LRRC37A2: variants seen among roughly 807,000 people sequenced by gnomAD.
The protein encoded by LRRC37A2 is leucine-rich repeat-containing protein 37A2.
In LRRC37A2, 9 loss-of-function variants were observed where a neutral mutation model predicts 68.8. That is an observed-to-expected ratio of 0.13 (90% CI 0.08 to 0.23). The LOEUF is 0.23. Among genes scored for constraint, LRRC37A2 ranks in the 10% least tolerant of loss-of-function variants. The pLI is 1.00. For missense variants in LRRC37A2, 168 were observed against 950.4 expected (o/e 0.18, Z 10.82); for synonymous variants, 63 against 367.6 (o/e 0.17, Z 9.48).
chr17:46,856,868 A>G, the LRRC37A2 span, among the ~76,000 whole-genome samples: 1 of 152,228 alleles, frequency 6.6e-6, no homozygotes, highest in Non-Finnish European at 1.5e-5. Flanking sequence ...CAATGACTAC[A>G]TAGAACATTT....
chr17:46,877,939 G>A, the LRRC37A2 span, among the ~76,000 whole-genome samples: 3 of 152,150 alleles, frequency 2.0e-5, no homozygotes, highest in Non-Finnish European at 2.9e-5. Flanking sequence ...AGGAGGAGAC[G>A]TGACTTTGAT....
chr17:46,872,537 T>C, the LRRC37A2 span: 1 of 1,557,608 alleles, frequency 6.4e-7, no homozygotes. Flanking sequence ...CGGGAAGTCC[T>C]GACGCCCTTC....
chr17:46,878,947 C>G, the LRRC37A2 span, among the ~76,000 whole-genome samples: 3 of 152,292 alleles, frequency 2.0e-5, no homozygotes, highest in East Asian at 1.9e-4. Context: ...TCTCTTCTTC[C>G]TTGCTCTCAT....
the LRRC37A2 span, chr17:46,938,700 G>A: frequency 2.4e-5 from 39 of 1,613,754 alleles, no homozygotes; most frequent in African/African-American, 4.0e-5. Flanking sequence ...AGTACTTTAT[G>A]ATAGGTGGGA....
the LRRC37A2 span, chr17:46,923,143 C>T: frequency 1.6e-6 from 2 of 1,244,472 alleles, no homozygotes; most frequent in South Asian, 2.6e-5. Flanking sequence ...GCTGTGAGGA[C>T]GTGTTCCGAG....
chr17:46,767,244 C>G, the LRRC37A2 span, among the ~76,000 whole-genome samples: 2 of 152,104 alleles, frequency 1.3e-5, no homozygotes, highest in Non-Finnish European at 2.9e-5. Context: ...AAAATCCACC[C>G]GCCTTTGATC....
At chr17:46,896,406 GA>G in the LRRC37A2 span, among the ~76,000 whole-genome samples, 1 of 70,666 alleles carries the variant, frequency 1.4e-5, no homozygotes, top group Non-Finnish European at 2.3e-5. Flanking sequence ...AAGAAAGAAA[GA>G]AAGAAAGAAA....
At chr17:46,864,599 C>T in the LRRC37A2 span, among the ~76,000 whole-genome samples, 1 of 152,292 alleles carries the variant, frequency 6.6e-6, no homozygotes, top group South Asian at 2.1e-4. Flanking sequence ...TCAGAGGAGT[C>T]CTGACCAGGT....
chr17:46,959,797 A>G, the LRRC37A2 span, among the ~76,000 whole-genome samples: 1 of 152,236 alleles, frequency 6.6e-6, no homozygotes, highest in Non-Finnish European at 1.5e-5. Flanking sequence ...AACCATGGAA[A>G]GTCCTCCAAT....
chr17:46,900,188 T>TGTATATATATATAC, the LRRC37A2 span, among the ~76,000 whole-genome samples: 1 of 115,558 alleles, frequency 8.7e-6, no homozygotes, highest in African/African-American at 4.5e-5. Context: ...TATATATATA[T>TGTATATATATATAC]ATATATATAT....
At chr17:46,999,726 C>CTA in the LRRC37A2 span, among the ~76,000 whole-genome samples, 2 of 151,860 alleles carry the variant, frequency 1.3e-5, no homozygotes, top group African/African-American at 4.8e-5. Context: ...CAGCCTGGAA[C>CTA]TATAGCTCAC....
the LRRC37A2 span, among the ~76,000 whole-genome samples, chr17:47,029,070 C>A: frequency 9.9e-5 from 15 of 152,164 alleles, no homozygotes; most frequent in South Asian, 3.1e-3. Context: ...TCCTAGCTAT[C>A]AGGAGGCTGA....
chr17:46,927,586 T>C, the LRRC37A2 span, among the ~76,000 whole-genome samples: 1 of 152,224 alleles, frequency 6.6e-6, no homozygotes, highest in Non-Finnish European at 1.5e-5. Context: ...GAGGTGGCCT[T>C]TTTCTGTACG....
the LRRC37A2 span, among the ~76,000 whole-genome samples, chr17:47,036,533 G>T: frequency 6.6e-6 from 1 of 151,870 alleles, no homozygotes; most frequent in East Asian, 1.9e-4. Context: ...AGATGTAGGG[G>T]GTCCACCTTC....
chr17:46,784,214 G>T, the LRRC37A2 span, among the ~76,000 whole-genome samples: 2 of 152,210 alleles, frequency 1.3e-5, no homozygotes, highest in Admixed American at 1.3e-4. Context: ...AAGGAGGAAA[G>T]TATGGCCAAA....
At chr17:46,413,481 T>TACACACACACACACAC in the LRRC37A2 span, among the ~76,000 whole-genome samples, 1 of 24,772 alleles carries the variant, frequency 4.0e-5, no homozygotes, top group Non-Finnish European at 2.1e-4. Context: ...TCTCTCTCTG[T>TACACACACACACACAC]ACACACACAC....
At chr17:46,875,385 G>T in the LRRC37A2 span, 18 of 1,570,338 alleles carry the variant, frequency 1.1e-5, no homozygotes, top group Non-Finnish European at 9.5e-6. Flanking sequence ...GTCCCTGGCT[G>T]CCCGCAGTGC....
the LRRC37A2 span, among the ~76,000 whole-genome samples, chr17:46,896,016 T>C: frequency 0.14 from 20,554 of 152,052 alleles, 3,033 homozygotes; most frequent in African/African-American, 0.37. Flanking sequence ...CAGTGGCTCA[T>C]GCCTGTAATC....
chr17:46,945,105 G>A, the LRRC37A2 span, among the ~76,000 whole-genome samples: 1 of 152,176 alleles, frequency 6.6e-6, no homozygotes, highest in East Asian at 1.9e-4. Context: ...GTGAGAGGGC[G>A]AGGTGATGGG....
Sources: allele counts gnomAD v4.1 joint callset (sites outside exome capture counted in the v4.1 genomes callset), GRCh38; gene constraint gnomAD v4.1.1; transcripts MANE v1.5; gene names NCBI Gene and HGNC (gene_info 2026-07-23, HGNC 2026-07-21).